Variants in ATRNL1 observed in about 807,000 individuals in gnomAD.
ATRNL1 encodes attractin-like protein 1.
A neutral mutation model predicts 182.7 loss-of-function variants in ATRNL1; 95 were observed. The observed-to-expected ratio is 0.52, with a 90% CI of 0.44 to 0.62. The LOEUF (loss-of-function observed/expected upper bound fraction) is 0.62. Among genes scored for constraint, ATRNL1 ranks in the 20% least tolerant of loss-of-function variants. ATRNL1 has a pLI of 0.00. For synonymous variants in ATRNL1, 576 were observed against 568.3 expected (o/e 1.01, Z -0.19); for missense variants, 1,471 against 1,679.5 (o/e 0.88, Z 2.17).
chr10:115,813,030 C>A (rs1555087477), intron 27 of ATRNL1, among the ~76,000 whole-genome samples: 1 of 152,002 alleles, frequency 6.6e-6, no homozygotes, highest in Non-Finnish European at 1.5e-5. Context: ...GGAGAATTCC[C>A]TAGCCAGATT....
chr10:115,631,181 G>A (rs1466836932), intron 26 of ATRNL1, among the ~76,000 whole-genome samples: 1 of 151,812 alleles, frequency 6.6e-6, no homozygotes, highest in Admixed American at 6.6e-5. Context: ...TACTAATATT[G>A]TATACTCGAA....
intron 7 of ATRNL1, among the ~76,000 whole-genome samples, chr10:115,168,181 A>G (rs1847131886): frequency 6.6e-6 from 1 of 152,168 alleles, no homozygotes; most frequent in Admixed American, 6.6e-5. Flanking sequence ...TTTTATGGCT[A>G]AATAATATTA....
rs2084940261 is a variant in ATRNL1, at chr10:115,093,864, C to A, written c.114C>A (p.Asp38Glu). The change falls in exon 1 of 29, where the codon GAC (aspartate) becomes GAA (glutamate). Residue 38 changes from aspartate to glutamate, a missense_variant. By Grantham distance (45) the Asp-to-Glu change is conservative. Transcript: ENST00000355044. This position sits in a 1 kb window ranked among gnomAD's most constrained non-coding sequence, Gnocchi z 6.1. ...GGGGASSWLL[D>E]GNSWLLCYGF... ...GGGGCGCCTCCTCCTGGCTGCTGGA[C>A]GGGAACAGCTGGCTGCTGTGCTATG... 1 of 1,572,154 alleles carries A rather than the reference C, an allele frequency of 6.4e-7. No individual in the cohort carries two copies. Among genetic ancestry groups the A allele is most frequent in the East Asian group, 2.5e-5 (1 of 40,778 alleles).
intron 27 of ATRNL1, among the ~76,000 whole-genome samples, chr10:115,769,272 C>T (rs902142214): frequency 6.6e-6 from 1 of 152,072 alleles, no homozygotes; most frequent in Admixed American, 6.5e-5. Flanking sequence ...ATGCATTGCT[C>T]CCATAAATTA....
intron 26 of ATRNL1, among the ~76,000 whole-genome samples, chr10:115,584,900 C>A (rs1208757667): frequency 6.7e-6 from 1 of 150,006 alleles, no homozygotes; most frequent in East Asian, 2.0e-4. Flanking sequence ...CTATAAATTT[C>A]CCTCTACACA....
chr10:115,152,377 C>T (rs1241294243), intron 5 of ATRNL1, among the ~76,000 whole-genome samples: 1 of 152,102 alleles, frequency 6.6e-6, no homozygotes, highest in Non-Finnish European at 1.5e-5. Flanking sequence ...TGTTTGTGTC[C>T]TCTTTTATTT....
At chr10:115,390,669 G>T (rs1843972204) in intron 19 of ATRNL1, among the ~76,000 whole-genome samples, 1 of 151,988 alleles carries the variant, frequency 6.6e-6, no homozygotes, top group Admixed American at 6.6e-5. Flanking sequence ...TTTTAAAATT[G>T]CTTTTTCTCT....
chr10:115,103,331 G>A (rs568473040), intron 1 of ATRNL1, among the ~76,000 whole-genome samples: 5 of 152,080 alleles, frequency 3.3e-5, no homozygotes, highest in African/African-American at 4.8e-5. Context: ...GAGCCACTGC[G>A]CCTGGTCATA....
intron 26 of ATRNL1, 134 bp from the exon 27 acceptor site, chr10:115,727,114 T>C (rs1272113898): frequency 4.7e-6 from 3 of 640,072 alleles, no homozygotes; most frequent in Non-Finnish European, 8.3e-6. Flanking sequence ...ATCTTTAGTA[T>C]TCTAGATATG....
chr10:115,602,447 A>C (rs1475253168), intron 26 of ATRNL1, among the ~76,000 whole-genome samples: 1 of 114,168 alleles, frequency 8.8e-6, no homozygotes, highest in Non-Finnish European at 1.9e-5. Flanking sequence ...ACACACAAAA[A>C]AACTCTCTGG....
chr10:115,731,708 A>G (rs1170277255), intron 27 of ATRNL1, among the ~76,000 whole-genome samples: 2 of 151,166 alleles, frequency 1.3e-5, no homozygotes, highest in Non-Finnish European at 3.0e-5. Context: ...GTATATATAC[A>G]GTTATGTAAC....
intron 19 of ATRNL1, among the ~76,000 whole-genome samples, chr10:115,386,604 T>A (rs11197195): frequency 0.3 from 45,623 of 151,848 alleles, 8,281 homozygotes; most frequent in Middle Eastern, 0.46. Flanking sequence ...GGACTTCTCC[T>A]CCAGTAAAAA....
intron 23 of ATRNL1, among the ~76,000 whole-genome samples, chr10:115,468,860 C>T (rs1193634118): frequency 6.6e-6 from 1 of 150,494 alleles, no homozygotes; most frequent in Non-Finnish European, 1.5e-5. Flanking sequence ...CTTTCTGAGG[C>T]TTAGGTTGAA....
intron 28 of ATRNL1, among the ~76,000 whole-genome samples, chr10:115,848,584 T>A (rs1351161791): frequency 1.3e-5 from 2 of 152,152 alleles, no homozygotes; most frequent in Non-Finnish European, 2.9e-5. Flanking sequence ...CTCCTTTTCC[T>A]GTAGGAAAAG....
At chr10:115,494,915 T>C (rs1849470883) in intron 24 of ATRNL1, among the ~76,000 whole-genome samples, 1 of 152,178 alleles carries the variant, frequency 6.6e-6, no homozygotes, top group South Asian at 2.1e-4. Flanking sequence ...GTAGGAATGG[T>C]GCCAGCTCTT....
intron 26 of ATRNL1, among the ~76,000 whole-genome samples, chr10:115,577,559 C>G (rs550977267): frequency 1.4e-5 from 2 of 147,944 alleles, no homozygotes; most frequent in African/African-American, 5.0e-5. Flanking sequence ...CTGATCTTAC[C>G]ATGTTGATTT....
chr10:115,937,544 A>G (rs1003445921), intron 28 of ATRNL1, among the ~76,000 whole-genome samples: 1 of 152,246 alleles, frequency 6.6e-6, no homozygotes, highest in African/African-American at 2.4e-5. Flanking sequence ...CTAATTATGC[A>G]TCGAGCCTTA....
intron 27 of ATRNL1, among the ~76,000 whole-genome samples, chr10:115,842,310 T>C (rs564321994): frequency 6.6e-6 from 1 of 152,226 alleles, no homozygotes; most frequent in South Asian, 2.1e-4. Flanking sequence ...CATCATATGG[T>C]ATAAAAATGT....
intron 26 of ATRNL1, among the ~76,000 whole-genome samples, chr10:115,702,375 C>T (rs767451224): frequency 2.2e-4 from 33 of 152,020 alleles, no homozygotes; most frequent in Non-Finnish European, 3.8e-4. Context: ...AGGATGCTCA[C>T]TTTCACTATT....
Sources: allele counts gnomAD v4.1 joint callset (sites outside exome capture counted in the v4.1 genomes callset), GRCh38; gene constraint gnomAD v4.1.1; non-coding constraint Gnocchi (gnomAD v3.1); transcripts MANE v1.5; gene names NCBI Gene and HGNC (gene_info 2026-07-23, HGNC 2026-07-21).